The following ABHD2 variants were observed in gnomAD, a reference collection of about 807,000 sequenced individuals.
ABHD2 encodes the protein abhydrolase domain containing 2, acylglycerol lipase.
A neutral mutation model predicts 48.1 loss-of-function variants in ABHD2; 20 were observed. That is an observed-to-expected ratio of 0.42 (90% CI 0.29 to 0.60). The LOEUF is 0.60. ABHD2 is among the 20% of genes least tolerant of loss of function. ABHD2 has a pLI of 0.24. For missense variants in ABHD2, 405 were observed against 550.9 expected (o/e 0.74, Z 2.65); for synonymous variants, 209 against 214.2 (o/e 0.98, Z 0.21).
intron 1 of ABHD2, among the ~76,000 whole-genome samples, chr15:89,101,134 G>C (rs2049694814): frequency 6.6e-6 from 1 of 152,102 alleles, no homozygotes; most frequent in South Asian, 2.1e-4. Context: ...CCTTTCTTCT[G>C]CTACCTCCAA....
intron 3 of ABHD2, among the ~76,000 whole-genome samples, chr15:89,117,701 T>G (rs2049983356): frequency 6.6e-6 from 1 of 152,220 alleles, no homozygotes; most frequent in South Asian, 2.1e-4. Flanking sequence ...TAGAAGCTCT[T>G]CCCTGCATCC....
the ABHD2 span, among the ~76,000 whole-genome samples, chr15:89,063,507 C>T: frequency 6.6e-6 from 1 of 151,832 alleles, no homozygotes; most frequent in Non-Finnish European, 1.5e-5. Context: ...CAACTAATCT[C>T]TGCCTCTCTC....
rs534533699 is a variant in ABHD2 at position 89,172,785 on chromosome 15, A to G, written c.539-3027A>G. Among the ~76,000 whole-genome samples the G allele has an allele frequency of 3.3e-5, 5 of 152,320 alleles. No individual in the cohort carries two copies. In the East Asian group the frequency reaches 7.7e-4, roughly 24 times the overall value. Reference sequence around the variant, plus strand: ...GAAACAGACCTAGGAGAGTTTGGTAACTTACCCAAGGTAACGGTATTTTGC... The same window carrying G: ...GAAACAGACCTAGGAGAGTTTGGTAGCTTACCCAAGGTAACGGTATTTTGC... On this transcript the variant is annotated intron_variant, in intron 5 of 10. Coordinates refer to ENST00000352732, the MANE Select transcript of ABHD2 (RefSeq NM_152924.5).
chr15:89,062,967 C>CTTT, the ABHD2 span, among the ~76,000 whole-genome samples: 16 of 129,366 alleles, frequency 1.2e-4, no homozygotes, highest in African/African-American at 1.5e-4. Flanking sequence ...ATTGCTGCTG[C>CTTT]TTTTTTTTTT....
chr15:89,118,017 G>C (rs954016794), intron 3 of ABHD2, among the ~76,000 whole-genome samples: 10 of 152,120 alleles, frequency 6.6e-5, no homozygotes, highest in African/African-American at 2.4e-4. Context: ...CCCCTGCTGA[G>C]GGGACTTTTT....
the ABHD2 span, among the ~76,000 whole-genome samples, chr15:89,081,669 C>T: frequency 2.0e-5 from 3 of 152,020 alleles, no homozygotes; most frequent in Admixed American, 2.0e-4. Context: ...GAATTCAAGA[C>T]CAGCCTGGCC....
chr15:89,098,095 G>A (rs921529088), intron 1 of ABHD2, among the ~76,000 whole-genome samples: 1 of 152,104 alleles, frequency 6.6e-6, no homozygotes, highest in Non-Finnish European at 1.5e-5. Context: ...GCCCAGGCTG[G>A]TCTCAAATTC....
the ABHD2 span, among the ~76,000 whole-genome samples, chr15:89,070,771 T>C: frequency 1.3e-5 from 2 of 152,178 alleles, no homozygotes; most frequent in African/African-American, 4.8e-5. Context: ...CATTGATCTA[T>C]GGACATCTTG....
rs1309659111 is a variant in ABHD2, at chr15:89,189,897, G to C, written c.927-1183G>C. Reference sequence around the variant, plus strand: ...TCCTCTTTAATAGCGTTGGAAAATAGCAGTTTTATGATCATAACCAGTCTT... The same window carrying C: ...TCCTCTTTAATAGCGTTGGAAAATACCAGTTTTATGATCATAACCAGTCTT... On this transcript the variant is annotated intron_variant, in intron 8 of 10. Coordinates refer to ENST00000352732, the MANE Select transcript of ABHD2 (RefSeq NM_152924.5). This position sits in a 1 kb window ranked among gnomAD's most constrained non-coding sequence, Gnocchi z 4.9. 6.6e-6 allele frequency among the ~76,000 whole-genome samples: 1 copy of C among 152,098 alleles called. No homozygotes were observed. Among genetic ancestry groups the C allele is most frequent in the African/African-American group, 2.4e-5 (1 of 41,406 alleles).
At chr15:89,073,727 G>A in the ABHD2 span, among the ~76,000 whole-genome samples, 2 of 152,114 alleles carry the variant, frequency 1.3e-5, no homozygotes, top group African/African-American at 4.8e-5. Flanking sequence ...AGGTCTTGGG[G>A]GACCTGAGGT....
rs75641315 is a variant in ABHD2 at position 89,095,946 on chromosome 15, G to T, written c.-107+7383G>T. On this transcript the variant is annotated intron_variant, in intron 1 of 10. Transcript: ENST00000352732. ...CCCCGTTTGTATGTGAATTTCTGATGAATTGAAGCCAGGTAAACCCCACTA... is the reference window on the plus strand; with the variant it reads ...CCCCGTTTGTATGTGAATTTCTGATTAATTGAAGCCAGGTAAACCCCACTA... Among the ~76,000 whole-genome samples, 413 of 152,322 alleles carry T rather than the reference G, an allele frequency of 2.7e-3. 2 individuals carry two copies. The highest frequency in any genetic ancestry group is 9.6e-3 in the African/African-American group (399 of 41,568).
the ABHD2 span, among the ~76,000 whole-genome samples, chr15:89,058,043 A>G: frequency 6.6e-6 from 1 of 152,162 alleles, no homozygotes; most frequent in African/African-American, 2.4e-5. Context: ...CACATACTCT[A>G]TGTCTGCATA....
the ABHD2 span, among the ~76,000 whole-genome samples, chr15:89,068,555 C>T: frequency 2.6e-5 from 4 of 152,168 alleles, no homozygotes; most frequent in East Asian, 1.9e-4. Context: ...GTTCTCTCCA[C>T]ACGGGCTAGC....
the ABHD2 span, among the ~76,000 whole-genome samples, chr15:89,053,374 G>A: frequency 2.5e-4 from 38 of 152,224 alleles, no homozygotes; most frequent in Admixed American, 2.4e-3. Context: ...ATTAGAGTAC[G>A]GCAGTAGCAG....
chr15:89,116,271 C>T lies in ABHD2; in HGVS notation c.-6-51C>T, dbSNP rs2049958516. 1 of 1,549,780 alleles carries T rather than the reference C, an allele frequency of 6.5e-7. No homozygotes were observed. Among genetic ancestry groups the T allele is most frequent in the Non-Finnish European group, 8.8e-7 (1 of 1,138,518 alleles). On this transcript the variant is annotated intron_variant, in intron 2 of 10. Coordinates refer to ENST00000352732, the MANE Select transcript of ABHD2 (RefSeq NM_152924.5). The surrounding 1 kb of genome is among the most constrained non-coding windows in gnomAD (Gnocchi z 4.6). Reference sequence around the variant, plus strand: ...CATGCGTCTGTAGGGTGGTGGGCACCACCCGTCCTCACTGTGCTTGTAAAC... The same window carrying T: ...CATGCGTCTGTAGGGTGGTGGGCACTACCCGTCCTCACTGTGCTTGTAAAC...
Position 89,116,433 on chromosome 15 carries a change from A to C in ABHD2, c.106A>C (p.Lys36Gln). The C allele has an allele frequency of 7.4e-6, 12 of 1,614,148 alleles. No individual in the cohort carries two copies. Among genetic ancestry groups the C allele is most frequent in the Non-Finnish European group, 1.0e-5 (12 of 1,180,014 alleles). The stretch of plus-strand genomic sequence containing the variant: ...CGTGATCGTCCGGTGTTTGAACCTG[A>C]AGAGCCCCACAGCCCCACCTGACCT... ...LYVIVRCLNL[K>Q]SPTAPPDLYF... The change falls in exon 3 of 11, where the codon AAG (lysine) becomes CAG (glutamine). Residue 36 changes from lysine (K) to glutamine (Q), a missense_variant. Transcript: ENST00000352732. The surrounding 1 kb of genome is among the most constrained non-coding windows in gnomAD (Gnocchi z 4.6).
rs2051170287 is a variant in ABHD2, at chr15:89,184,389, G to T, written c.723-1035G>T. Among the ~76,000 whole-genome samples, 1 of 152,178 alleles carries T rather than the reference G, an allele frequency of 6.6e-6. No individual in the cohort carries two copies. The highest frequency in any genetic ancestry group is 1.5e-5 in the Non-Finnish European group (1 of 68,034). On this transcript the variant is annotated intron_variant, in intron 6 of 10. Coordinates refer to ENST00000352732, the MANE Select transcript of ABHD2 (RefSeq NM_152924.5). The surrounding 1 kb of genome is among the most constrained non-coding windows in gnomAD (Gnocchi z 5.1). ...CCCCTCACTTACCATCTGGAAGATGGAACCTAGTAGAAGTAGTGACGTCCA... is the reference window on the plus strand; with the variant it reads ...CCCCTCACTTACCATCTGGAAGATGTAACCTAGTAGAAGTAGTGACGTCCA...
At position 89,151,268 on chromosome 15, in the gene ABHD2, G is replaced by C. The variant is rs1157989007; in HGVS notation, c.195-409G>C. Reference sequence around the variant, plus strand: ...CTGTCTCGTTAGGGAAAGAAGAAGTGAGCTTTTAGTGAGTGTAGGCGCTAT... The same window carrying C: ...CTGTCTCGTTAGGGAAAGAAGAAGTCAGCTTTTAGTGAGTGTAGGCGCTAT... On this transcript the variant is annotated intron_variant, in intron 3 of 10. Coordinates refer to ENST00000352732, the MANE Select transcript of ABHD2 (RefSeq NM_152924.5). This position sits in a 1 kb window ranked among gnomAD's most constrained non-coding sequence, Gnocchi z 4.7. Among the ~76,000 whole-genome samples the C allele has an allele frequency of 1.3e-5, 2 of 152,328 alleles. No individual in the cohort carries two copies. Among genetic ancestry groups the C allele is most frequent in the Non-Finnish European group, 2.9e-5 (2 of 68,028 alleles).
At chr15:89,134,845 C>G (rs1209355967) in intron 3 of ABHD2, among the ~76,000 whole-genome samples, 5 of 152,094 alleles carry the variant, frequency 3.3e-5, no homozygotes, top group Non-Finnish European at 7.3e-5. Context: ...AGAATGGGGT[C>G]AAGTTTTGAG....
Sources: gnomAD v4.1 joint callset for allele counts (sites outside exome capture counted in the v4.1 genomes callset) on GRCh38, gnomAD v4.1.1 for gene constraint, Gnocchi (gnomAD v3.1) non-coding constraint, MANE v1.5 for transcripts, NCBI Gene and HGNC (gene_info 2026-07-23, HGNC 2026-07-21) for gene names.